IDO2: variants seen among roughly 807,000 people sequenced by gnomAD.
IDO2 encodes indoleamine 2,3-dioxygenase-like 1 protein.
A neutral mutation model predicts 45.1 loss-of-function variants in IDO2; 46 were observed. The observed-to-expected ratio is 1.02, with a 90% CI of 0.80 to 1.30. IDO2 has a LOEUF of 1.30. IDO2 is among the 50% of genes most tolerant of loss of function. IDO2 has a pLI of 0.00. For synonymous variants in IDO2, 218 were observed against 184.9 expected, an observed-to-expected ratio of 1.18 and a Z score of -1.45; for missense variants, 544 against 491.8, an observed-to-expected ratio of 1.11 and a Z score of -1.00.
chr8:40,010,279 A>G (rs1341873431), intron 9 of IDO2, among the ~76,000 whole-genome samples: 1 of 152,122 alleles, frequency 6.6e-6, no homozygotes, highest in Non-Finnish European at 1.5e-5. Flanking sequence ...TGGCAAGTGC[A>G]ATAACCCTGA....
At chr8:39,978,132 G>A (rs1054884982) in intron 3 of IDO2, among the ~76,000 whole-genome samples, 1 of 152,200 alleles carries the variant, frequency 6.6e-6, no homozygotes, top group Non-Finnish European at 1.5e-5. Flanking sequence ...GGAGGACAGC[G>A]GGTGAAGGAC....
chr8:39,975,682 A>C (rs1268702207), intron 3 of IDO2, among the ~76,000 whole-genome samples: 1 of 152,222 alleles, frequency 6.6e-6, no homozygotes, highest in Non-Finnish European at 1.5e-5. Context: ...CTGTGGGTAC[A>C]ACCTCTCTCA....
intron 2 of IDO2, among the ~76,000 whole-genome samples, chr8:39,959,970 C>T (rs752194703): frequency 1.3e-5 from 2 of 151,858 alleles, no homozygotes; most frequent in Non-Finnish European, 2.9e-5. Context: ...TAGAGTGAAA[C>T]TGTGTCTCAA....
At chr8:39,994,824 GATTA>G (rs1374464289) in intron 8 of IDO2, among the ~76,000 whole-genome samples, 1 of 151,922 alleles carries the variant, frequency 6.6e-6, no homozygotes, top group East Asian at 1.9e-4. Context: ...AAAACCTTCA[GATTA>G]ATTAACACCA....
At chr8:40,001,296 C>A (rs1189789221) in intron 8 of IDO2, among the ~76,000 whole-genome samples, 1 of 127,508 alleles carries the variant, frequency 7.8e-6, no homozygotes, top group Non-Finnish European at 1.5e-5. Flanking sequence ...CTGTTGCAGG[C>A]TAGAGTGCAG....
At chr8:39,951,049 A>AAACCAAACAAAACAG (rs1807807311) in intron 2 of IDO2, among the ~76,000 whole-genome samples, 1 of 151,140 alleles carries the variant, frequency 6.6e-6, no homozygotes, top group South Asian at 2.1e-4. Flanking sequence ...AAACAAAACA[A>AAACCAAACAAAACAG]AACAAAACAA....
At chr8:40,015,488 C>T in exon 11 of IDO2, 1 of 1,613,992 alleles carries the variant, frequency 6.2e-7, no homozygotes, top group African/African-American at 1.3e-5. Context: ...CAAACCATCT[C>T]CCAGGGCCTC....
chr8:39,985,620 A>G (rs2729472), intron 6 of IDO2, 98 bp downstream of exon 6: 746,986 of 960,842 alleles, frequency 0.78, 292,970 homozygotes, highest in East Asian at 0.91. Flanking sequence ...TATATGTATA[A>G]TATAATATCA....
chr8:39,962,933 G>A (rs533651354), intron 2 of IDO2, among the ~76,000 whole-genome samples: 6 of 152,198 alleles, frequency 3.9e-5, no homozygotes, highest in South Asian at 4.1e-4. Flanking sequence ...AGAATCAATC[G>A]GGAAAGGGTG....
intron 3 of IDO2, among the ~76,000 whole-genome samples, chr8:39,965,903 CTA>C (rs1808077785): frequency 2.1e-4 from 2 of 9,336 alleles, no homozygotes; most frequent in South Asian, 8.3e-3. Context: ...TTTGGGACTT[CTA>C]TGACTTCTAT....
chr8:39,987,856 C>A lies in IDO2; in HGVS notation c.450-15C>A. ...GTCTCCACACCTCTAATCATGTGCT[C>A]CTCTCCTTCCCAAGGAACCTGGAGA... On this transcript the variant is annotated splice_polypyrimidine_tract_variant and intron_variant, in intron 6 of 10. Coordinates refer to ENST00000502986, the Ensembl canonical transcript of IDO2. The A allele has an allele frequency of 6.6e-7, 1 of 1,521,844 alleles. No individual in the cohort carries two copies. Among genetic ancestry groups the A allele is most frequent in the Non-Finnish European group, 9.1e-7 (1 of 1,103,626 alleles). The allele number at this position is 1,521,844 out of a possible 1,614,324, so 94.3% of individuals were successfully genotyped here.
chr8:39,976,128 C>T (rs1299483989), intron 3 of IDO2, among the ~76,000 whole-genome samples: 1 of 152,008 alleles, frequency 6.6e-6, no homozygotes, highest in African/African-American at 2.4e-5. Context: ...TACAGGTGTG[C>T]ACCACCACAC....
At chr8:39,977,318 G>T (rs1261469467) in intron 3 of IDO2, among the ~76,000 whole-genome samples, 1 of 152,244 alleles carries the variant, frequency 6.6e-6, no homozygotes, top group Non-Finnish European at 1.5e-5. Context: ...TTTCGGCTAA[G>T]AGAGTGTCAA....
At chr8:39,957,994 C>T (rs143892418) in intron 2 of IDO2, among the ~76,000 whole-genome samples, 2,173 of 152,054 alleles carry the variant, frequency 0.014, 52 homozygotes, top group African/African-American at 0.049. Flanking sequence ...CAACCTTCGC[C>T]TCCTGGGTTC....
intron 3 of IDO2, among the ~76,000 whole-genome samples, chr8:39,975,784 G>T (rs2129594252): frequency 6.6e-6 from 1 of 152,070 alleles, no homozygotes; most frequent in South Asian, 2.1e-4. Flanking sequence ...AGCTTCCTAG[G>T]CCTGTGTACC....
intron 3 of IDO2, among the ~76,000 whole-genome samples, chr8:39,970,802 C>T (rs1487746901): frequency 1.5e-5 from 2 of 137,272 alleles, no homozygotes; most frequent in African/African-American, 2.8e-5. Flanking sequence ...GAGTCTCACT[C>T]TGTCGCCAGG....
intron 9 of IDO2, among the ~76,000 whole-genome samples, chr8:40,007,640 G>A (rs1166721848): frequency 6.6e-6 from 1 of 152,138 alleles, no homozygotes; most frequent in Non-Finnish European, 1.5e-5. Context: ...GATTTAGGAA[G>A]CACCCCAATT....
chr8:39,984,719 G>A (rs1400382306), intron 5 of IDO2, among the ~76,000 whole-genome samples: 2 of 152,118 alleles, frequency 1.3e-5, no homozygotes, highest in Non-Finnish European at 1.5e-5. Context: ...GACACTACAT[G>A]ACAAATGTCA....
chr8:40,013,606 A>C (rs1802340837), exon 10 of IDO2: 2 of 1,613,724 alleles, frequency 1.2e-6, no homozygotes, highest in African/African-American at 2.7e-5. Flanking sequence ...CTGATGTATG[A>C]AGGAGTTTCC....
Sources: allele counts gnomAD v4.1 joint callset (sites outside exome capture counted in the v4.1 genomes callset), GRCh38; gene constraint gnomAD v4.1.1; transcripts MANE v1.5; gene names NCBI Gene and HGNC (gene_info 2026-07-23, HGNC 2026-07-21).